Variants in KCNQ3 observed in about 807,000 individuals in gnomAD.
KCNQ3 encodes potassium voltage-gated channel subfamily KQT member 3.
In KCNQ3, 30 loss-of-function variants were observed where a neutral mutation model predicts 92.5. The ratio of observed to expected loss-of-function variants is 0.32; its 90% confidence interval spans 0.24 to 0.44. The LOEUF (loss-of-function observed/expected upper bound fraction) is 0.44. KCNQ3 is among the 20% of genes least tolerant of loss of function. The pLI is 1.00. For synonymous variants in KCNQ3, 450 were observed against 468.8 expected (o/e 0.96, Z 0.52); for missense variants, 913 against 1,140.3 (o/e 0.80, Z 2.87).
At chr8:132,359,937 C>T (rs1277368206) in intron 1 of KCNQ3, among the ~76,000 whole-genome samples, 2 of 152,164 alleles carry the variant, frequency 1.3e-5, no homozygotes, top group African/African-American at 2.4e-5. Flanking sequence ...CATCTCCATG[C>T]CTGCACTGGC....
intron 1 of KCNQ3, among the ~76,000 whole-genome samples, chr8:132,299,455 A>T (rs775547324): frequency 6.6e-6 from 1 of 152,178 alleles, no homozygotes; most frequent in Non-Finnish European, 1.5e-5. Context: ...TCTGACAAAC[A>T]TCCAGGGTTG....
chr8:132,421,585 G>T (rs996606788), intron 1 of KCNQ3, among the ~76,000 whole-genome samples: 3 of 152,160 alleles, frequency 2.0e-5, no homozygotes, highest in Non-Finnish European at 4.4e-5. Context: ...GCAGATGGTG[G>T]GTGGTAACAG....
chr8:132,353,181 G>A (rs371916778), intron 1 of KCNQ3, among the ~76,000 whole-genome samples: 68 of 151,760 alleles, frequency 4.5e-4, no homozygotes, highest in African/African-American at 1.4e-3. Context: ...AGCCGAGATC[G>A]CGCCACTGTA....
chr8:132,448,834 T>C (rs1481328782), intron 1 of KCNQ3, among the ~76,000 whole-genome samples: 1 of 152,358 alleles, frequency 6.6e-6, no homozygotes, highest in South Asian at 2.1e-4. Context: ...CAAATTCTAT[T>C]TCTTGCTGAA....
rs1418507209 is a variant in KCNQ3, at chr8:132,127,221, G to T, written c.*2041C>A. ...AGCATGTCAAATGGAAGCCCGTGGG[G>T]CTTCATGTCTGATGCATTGAGCATT... On this transcript the variant is annotated 3_prime_UTR_variant, in exon 15 of 15. Coordinates refer to ENST00000388996, the MANE Select transcript of KCNQ3 (RefSeq NM_004519.4). 1.3e-5 allele frequency: 2 copies of T among 152,190 alleles called. No individual in the cohort carries two copies. Among genetic ancestry groups the T allele is most frequent in the Non-Finnish European group, 2.9e-5 (2 of 68,042 alleles). 9.4% of individuals were successfully genotyped at this position (152,190 alleles called of 1,614,324 possible). A position where few individuals can be genotyped will look rare whatever the true frequency, so the allele number is the denominator to read the frequency against.
At chr8:132,213,104 A>G (rs1586833534) in intron 1 of KCNQ3, among the ~76,000 whole-genome samples, 1 of 152,184 alleles carries the variant, frequency 6.6e-6, no homozygotes. Context: ...ATCATTTATC[A>G]ATGGTGTCTA....
intron 1 of KCNQ3, among the ~76,000 whole-genome samples, chr8:132,204,909 T>C (rs1179660635): frequency 6.6e-6 from 1 of 152,174 alleles, no homozygotes; most frequent in Non-Finnish European, 1.5e-5. Flanking sequence ...GATCACCCCC[T>C]CTCTGTTTTC....
At position 132,129,211 on chromosome 8, in the gene KCNQ3, A is replaced by C. The variant is rs1824768987; in HGVS notation, c.*51T>G. The C allele has an allele frequency of 6.3e-7, 1 of 1,593,036 alleles. No homozygotes were observed. The highest frequency in any genetic ancestry group is 1.3e-5 in the African/African-American group (1 of 74,716). ...AAGCGTCGGGTGTAAGAGTAAGTGA[A>C]CTATACAAAGTCTGTCTACATTACA... On this transcript the variant is annotated 3_prime_UTR_variant, in exon 15 of 15. Transcript: ENST00000388996. The surrounding 1 kb of genome is among the most constrained non-coding windows in gnomAD (Gnocchi z 5.9).
chr8:132,273,561 A>T (rs1012731870), intron 1 of KCNQ3, among the ~76,000 whole-genome samples: 1 of 152,228 alleles, frequency 6.6e-6, no homozygotes, highest in East Asian at 1.9e-4. Flanking sequence ...GGGGATCAAC[A>T]TTTGACTCTT....
chr8:132,346,870 G>A (rs948879838), intron 1 of KCNQ3, among the ~76,000 whole-genome samples: 2 of 152,190 alleles, frequency 1.3e-5, no homozygotes, highest in African/African-American at 4.8e-5. Flanking sequence ...CAAAACGGCT[G>A]TTTTGTGGGA....
chr8:132,222,394 T>C (rs1365507176), intron 1 of KCNQ3, among the ~76,000 whole-genome samples: 2 of 152,156 alleles, frequency 1.3e-5, no homozygotes, highest in Non-Finnish European at 2.9e-5. Context: ...ATTCCTTGAG[T>C]GAGTGCGTAT....
chr8:132,408,421 C>T (rs149525387), intron 1 of KCNQ3, among the ~76,000 whole-genome samples: 1 of 152,024 alleles, frequency 6.6e-6, no homozygotes, highest in Non-Finnish European at 1.5e-5. Context: ...AGCTGGTGTT[C>T]GACTCTCTAC....
intron 1 of KCNQ3, among the ~76,000 whole-genome samples, chr8:132,400,972 C>T (rs1039192337): frequency 3.3e-5 from 5 of 152,212 alleles, no homozygotes; most frequent in Admixed American, 2.6e-4. Flanking sequence ...ATTCCCCTAG[C>T]CTTTGCAGAG....
At chr8:132,313,780 G>T (rs529192071) in intron 1 of KCNQ3, among the ~76,000 whole-genome samples, 1 of 152,064 alleles carries the variant, frequency 6.6e-6, no homozygotes, top group Non-Finnish European at 1.5e-5. Flanking sequence ...TCTGGCTTTT[G>T]CAAAAGCAAA....
intron 1 of KCNQ3, among the ~76,000 whole-genome samples, chr8:132,460,901 T>G (rs1252132645): frequency 6.6e-6 from 1 of 152,186 alleles, no homozygotes; most frequent in Non-Finnish European, 1.5e-5. Context: ...CTTCCCTATC[T>G]TCTAGCCCCT....
chr8:132,282,658 G>T (rs955216707), intron 1 of KCNQ3, among the ~76,000 whole-genome samples: 1 of 152,168 alleles, frequency 6.6e-6, no homozygotes, highest in Non-Finnish European at 1.5e-5. Context: ...GCATAGGGCT[G>T]CCTTCTCCCC....
intron 1 of KCNQ3, among the ~76,000 whole-genome samples, chr8:132,298,557 G>C (rs1235391551): frequency 1.3e-5 from 2 of 152,130 alleles, no homozygotes; most frequent in Admixed American, 6.6e-5. Flanking sequence ...ATGAAGATGG[G>C]GTGGGGGAGC....
intron 14 of KCNQ3, among the ~76,000 whole-genome samples, chr8:132,131,384 G>A (rs1824871922): frequency 6.6e-6 from 1 of 152,186 alleles, no homozygotes; most frequent in Non-Finnish European, 1.5e-5. Context: ...GCTGCATGGT[G>A]CTGTGAGTGA....
At chr8:132,323,770 G>A (rs957120631) in intron 1 of KCNQ3, among the ~76,000 whole-genome samples, 3 of 152,070 alleles carry the variant, frequency 2.0e-5, no homozygotes, top group Non-Finnish European at 4.4e-5. Context: ...AAGCCATCAA[G>A]ACAACTGTGG....
Sources: allele counts gnomAD v4.1 joint callset (sites outside exome capture counted in the v4.1 genomes callset), GRCh38; gene constraint gnomAD v4.1.1; non-coding constraint Gnocchi (gnomAD v3.1); transcripts MANE v1.5; gene names NCBI Gene and HGNC (gene_info 2026-07-23, HGNC 2026-07-21).